SPOCK3: variants seen among roughly 807,000 people sequenced by gnomAD.
SPOCK3 encodes SPARC (osteonectin), cwcv and kazal like domains proteoglycan 3, also known as testican-3.
In SPOCK3, 30 loss-of-function variants were observed where a neutral mutation model predicts 56.6. The observed-to-expected ratio is 0.53, with a 90% CI of 0.40 to 0.72. The LOEUF (loss-of-function observed/expected upper bound fraction) is 0.72, where lower values mean the gene tolerates loss of function less well. SPOCK3 is among the 30% of genes least tolerant of loss of function. The pLI, the probability that SPOCK3 is intolerant of heterozygous loss-of-function variation, is 0.00. For missense variants in SPOCK3, 527 were observed against 530.0 expected (o/e 0.99, Z 0.06); for synonymous variants, 196 against 183.3 (o/e 1.07, Z -0.56).
chr4:166,996,001 A>G (rs1748328475), intron 4 of SPOCK3, among the ~76,000 whole-genome samples: 1 of 152,174 alleles, frequency 6.6e-6, no homozygotes, highest in African/African-American at 2.4e-5. Context: ...CAGTGATCAT[A>G]TAAATACATT....
chr4:166,839,611 G>A (rs1255508499), intron 6 of SPOCK3, among the ~76,000 whole-genome samples: 1 of 152,182 alleles, frequency 6.6e-6, no homozygotes, highest in Non-Finnish European at 1.5e-5. Flanking sequence ...ACATCACGGA[G>A]AACGAAAAAC....
chr4:166,805,774 A>G (rs776815255), intron 6 of SPOCK3, among the ~76,000 whole-genome samples: 2 of 149,696 alleles, frequency 1.3e-5, no homozygotes, highest in African/African-American at 2.5e-5. Context: ...CTGACATAAT[A>G]AAAACTGACT....
chr4:167,166,308 G>A (rs1269016424), intron 2 of SPOCK3, among the ~76,000 whole-genome samples: 1 of 151,908 alleles, frequency 6.6e-6, no homozygotes, highest in Non-Finnish European at 1.5e-5. Context: ...AAACATAACT[G>A]AATGTTCCAC....
intron 2 of SPOCK3, among the ~76,000 whole-genome samples, chr4:167,214,549 T>C (rs1333134769): frequency 2.0e-5 from 3 of 152,162 alleles, no homozygotes; most frequent in Admixed American, 6.6e-5. Context: ...AATCATTTGG[T>C]TTTTCCCAAG....
At chr4:166,766,172 C>T (rs922355219) in intron 7 of SPOCK3, among the ~76,000 whole-genome samples, 1 of 152,072 alleles carries the variant, frequency 6.6e-6, no homozygotes, top group African/African-American at 2.4e-5. Flanking sequence ...AATTGAATAC[C>T]CTTTATTTCT....
At chr4:167,055,796 A>G (rs1020888380) in intron 3 of SPOCK3, among the ~76,000 whole-genome samples, 9 of 152,184 alleles carry the variant, frequency 5.9e-5, no homozygotes, top group Non-Finnish European at 1.3e-4. Flanking sequence ...CAAAGCAGCC[A>G]GGAAGCTTGA....
At chr4:166,841,995 G>A (rs550715057) in intron 6 of SPOCK3, among the ~76,000 whole-genome samples, 24 of 152,132 alleles carry the variant, frequency 1.6e-4, no homozygotes, top group Non-Finnish European at 3.4e-4. Context: ...TGGTCTCGCT[G>A]GCTTCAGGAG....
At chr4:166,775,076 A>G (rs566397383) in intron 7 of SPOCK3, among the ~76,000 whole-genome samples, 1 of 152,298 alleles carries the variant, frequency 6.6e-6, no homozygotes, top group Non-Finnish European at 1.5e-5. Context: ...GAGCAGAAAT[A>G]TAAAGGAAGT....
intron 2 of SPOCK3, among the ~76,000 whole-genome samples, chr4:167,127,334 A>T (rs1238304756): frequency 1.3e-5 from 2 of 152,098 alleles, no homozygotes; most frequent in East Asian, 3.9e-4. Context: ...TGCCAAGACT[A>T]CTTTCTTATA....
At chr4:167,106,849 G>A (rs566313414) in intron 2 of SPOCK3, among the ~76,000 whole-genome samples, 3 of 151,508 alleles carry the variant, frequency 2.0e-5, no homozygotes, top group Admixed American at 1.3e-4. Context: ...AAATTGAAAG[G>A]ATCATTAGTG....
intron 3 of SPOCK3, among the ~76,000 whole-genome samples, chr4:167,050,199 C>G (rs1253895576): frequency 2.0e-5 from 3 of 152,152 alleles, no homozygotes; most frequent in Non-Finnish European, 4.4e-5. Flanking sequence ...TTAAAATTCT[C>G]TGACACTTTG....
intron 2 of SPOCK3, among the ~76,000 whole-genome samples, chr4:167,109,297 TA>T (rs1286434509): frequency 1.1e-5 from 1 of 88,672 alleles, no homozygotes; most frequent in Admixed American, 2.0e-4. Context: ...TTATTATAAA[TA>T]ATAATTATTA....
chr4:167,228,817 C>T (rs1469181982), intron 2 of SPOCK3, among the ~76,000 whole-genome samples: 1 of 152,126 alleles, frequency 6.6e-6, no homozygotes, highest in African/African-American at 2.4e-5. Context: ...AGTTGCCTCT[C>T]TCCATTAAAT....
intron 6 of SPOCK3, among the ~76,000 whole-genome samples, chr4:166,834,687 CA>C (rs1170290380): frequency 6.6e-6 from 1 of 152,040 alleles, no homozygotes; most frequent in African/African-American, 2.4e-5. Flanking sequence ...ACAAATTGAA[CA>C]AAAATATTAG....
intron 2 of SPOCK3, among the ~76,000 whole-genome samples, chr4:167,108,554 C>T (rs1760390046): frequency 6.6e-6 from 1 of 151,602 alleles, no homozygotes; most frequent in Non-Finnish European, 1.5e-5. Context: ...TAGCCAGGCA[C>T]AGAGAGATGA....
At chr4:167,229,879 T>C (rs1736981121) in intron 2 of SPOCK3, among the ~76,000 whole-genome samples, 1 of 152,120 alleles carries the variant, frequency 6.6e-6, no homozygotes, top group Admixed American at 6.5e-5. Flanking sequence ...TGAAGTTGAT[T>C]ATGGTTTCTA....
chr4:167,203,615 T>G (rs1733735725), intron 2 of SPOCK3, among the ~76,000 whole-genome samples: 1 of 151,454 alleles, frequency 6.6e-6, no homozygotes, highest in South Asian at 2.1e-4. Flanking sequence ...CTCCCTGCAT[T>G]TGGATGTGGC....
At chr4:167,179,546 TG>T (rs1189168469) in intron 2 of SPOCK3, among the ~76,000 whole-genome samples, 1 of 152,192 alleles carries the variant, frequency 6.6e-6, no homozygotes, top group Non-Finnish European at 1.5e-5. Flanking sequence ...CATTCATAGA[TG>T]TTCTATTTTC....
At chr4:166,995,484 T>C (rs1227059137) in intron 4 of SPOCK3, among the ~76,000 whole-genome samples, 1 of 152,028 alleles carries the variant, frequency 6.6e-6, no homozygotes, top group Non-Finnish European at 1.5e-5. Context: ...TTCATATACA[T>C]AAAATTGATA....
Sources: gnomAD v4.1 joint callset for allele counts (sites outside exome capture counted in the v4.1 genomes callset) on GRCh38, gnomAD v4.1.1 for gene constraint, MANE v1.5 for transcripts, NCBI Gene and HGNC (gene_info 2026-07-23, HGNC 2026-07-21) for gene names.